Variants in ZNF383 observed in about 807,000 individuals in gnomAD.
ZNF383 encodes zinc finger protein 383.
Under a neutral mutation model 44.2 loss-of-function variants are expected in ZNF383, and 32 were observed. That is an observed-to-expected ratio of 0.72 (90% CI 0.55 to 0.97). The LOEUF (loss-of-function observed/expected upper bound fraction) is 0.97, where lower values mean the gene tolerates loss of function less well. ZNF383 is among the 50% of genes least tolerant of loss of function. The pLI, the probability that ZNF383 is intolerant of heterozygous loss-of-function variation, is 0.00. For synonymous variants in ZNF383, 155 were observed against 186.2 expected (o/e 0.83, Z 1.36); for missense variants, 487 against 562.5 (o/e 0.87, Z 1.36).
chr19:37,222,165 C>CT (rs555473132), intron 1 of ZNF383, among the ~76,000 whole-genome samples: 110 of 149,932 alleles, frequency 7.3e-4, no homozygotes, highest in Non-Finnish European at 1.3e-3. Context: ...TTTTTTTTCA[C>CT]TTTTTTTTTC....
chr19:37,221,674 CGCGGTG>C (rs1321691822), intron 1 of ZNF383, among the ~76,000 whole-genome samples: 1 of 151,104 alleles, frequency 6.6e-6, no homozygotes, highest in Non-Finnish European at 1.5e-5. Flanking sequence ...CCGGGCTGGG[CGCGGTG>C]GCTCGTGCCT....
intron 3 of ZNF383, among the ~76,000 whole-genome samples, chr19:37,234,875 CA>C (rs1212121764): frequency 1.3e-5 from 2 of 152,210 alleles, no homozygotes; most frequent in African/African-American, 4.8e-5. Flanking sequence ...ACAAGACGTT[CA>C]GACTCATCCT....
intron 3 of ZNF383, among the ~76,000 whole-genome samples, chr19:37,232,258 A>G (rs888094698): frequency 6.6e-6 from 1 of 151,920 alleles, no homozygotes. Context: ...CGGTTTTAGT[A>G]GAGACTGGGT....
rs537675324 is a variant in ZNF383 at position 37,222,526 on chromosome 19, G to A, written c.-167-2292G>A. The stretch of plus-strand genomic sequence containing the variant: ...CAAGTAGCTGAGATTACAGGCGCAC[G>A]CCACCACACCCAGCTAATTTTTTGT... On this transcript the variant is annotated intron_variant, in intron 1 of 5. Coordinates refer to ENST00000684119, the MANE Select transcript of ZNF383 (RefSeq NM_001387601.1). 2.6e-5 allele frequency among the ~76,000 whole-genome samples: 4 copies of A among 152,138 alleles called. No individual in the cohort carries two copies. In the East Asian group the frequency reaches 5.8e-4, roughly 22 times the overall value.
chr19:37,242,055 T>TATAGTATAG (rs1555784686), intron 5 of ZNF383, among the ~76,000 whole-genome samples: 83 of 66,802 alleles, frequency 1.2e-3, no homozygotes, highest in African/African-American at 2.4e-3. Flanking sequence ...AGATACTATA[T>TATAGTATAG]ATACTATATA....
At chr19:37,239,267 C>G (rs1246758455) in intron 5 of ZNF383, among the ~76,000 whole-genome samples, 1 of 152,136 alleles carries the variant, frequency 6.6e-6, no homozygotes, top group African/African-American at 2.4e-5. Context: ...TATAACATTT[C>G]TTCCTATCGT....
rs1974273899 is a variant in ZNF383 at position 37,244,249 on chromosome 19, A to T, written c.*585A>T. On this transcript the variant is annotated 3_prime_UTR_variant, in exon 6 of 6. Coordinates refer to ENST00000684119, the MANE Select transcript of ZNF383 (RefSeq NM_001387601.1). The stretch of plus-strand genomic sequence containing the variant: ...CAGGCGTGTGCCACCACACCCTGCT[A>T]ATTTTCTATTTTTAGTAGAGACAGG... 1 of 151,788 alleles carries T rather than the reference A, an allele frequency of 6.6e-6. No homozygotes were observed. The highest frequency in any genetic ancestry group is 2.4e-5 in the African/African-American group (1 of 41,278). 9.4% of individuals were successfully genotyped at this position (151,788 alleles called of 1,614,324 possible).
chr19:37,238,480 C>T (rs1427493475), intron 5 of ZNF383, among the ~76,000 whole-genome samples: 1 of 151,824 alleles, frequency 6.6e-6, no homozygotes, highest in Non-Finnish European at 1.5e-5. Context: ...GAGAGGGCCT[C>T]TCTGATGAGG....
chr19:37,230,420 C>G lies in ZNF383; in HGVS notation c.-34C>G, dbSNP rs1444146340. 29 of 1,612,276 alleles carry G rather than the reference C, an allele frequency of 1.8e-5. No homozygotes were observed. Among genetic ancestry groups the G allele is most frequent in the Non-Finnish European group, 2.5e-5 (29 of 1,179,066 alleles). On this transcript the variant is annotated 5_prime_UTR_variant, in exon 3 of 6. Transcript: ENST00000684119. ...CTGTCCTTTTTCAGGAGAACGGCCTCAAGGAAGACTAACCATCTGCAATAC... is the reference window on the plus strand; with the variant it reads ...CTGTCCTTTTTCAGGAGAACGGCCTGAAGGAAGACTAACCATCTGCAATAC...
chr19:37,242,428 A>C, intron 5 of ZNF383, 41 bp from the exon 6 acceptor site: 2 of 1,376,052 alleles, frequency 1.5e-6, no homozygotes, highest in Non-Finnish European at 2.0e-6. Context: ...AATTTTTCAC[A>C]AATAGGAAAA....
rs568946041 is a variant in ZNF383, at chr19:37,225,821, G to A, written c.-46+882G>A. ...TTTTTTTTTTTTGAGAAGGAGTCTC[G>A]CTCTTGTCACCAGGCTGGAGTGCAA... is the stretch of plus-strand genomic sequence containing the variant. On this transcript the variant is annotated intron_variant, in intron 2 of 5. Coordinates refer to ENST00000684119, the MANE Select transcript of ZNF383 (RefSeq NM_001387601.1). 3.5e-4 allele frequency among the ~76,000 whole-genome samples: 51 copies of A among 145,524 alleles called. No homozygotes were observed. The South Asian group carries it at 5.0e-3, about 14-fold the overall frequency.
At chr19:37,231,062 T>A (rs1336101280) in intron 3 of ZNF383, among the ~76,000 whole-genome samples, 4 of 152,190 alleles carry the variant, frequency 2.6e-5, no homozygotes, top group Non-Finnish European at 4.4e-5. Flanking sequence ...TGTGAATCAT[T>A]GAGTTTTCTG....
rs559402512 is a variant in ZNF383, at chr19:37,239,755, A to G, written c.233-2714A>G. ...GGTGGGGAGACTGGTTGAGGAGGCTACTTCACTGGTCTGGGTAAGAGTTGA... is the reference window on the plus strand; with the variant it reads ...GGTGGGGAGACTGGTTGAGGAGGCTGCTTCACTGGTCTGGGTAAGAGTTGA... On this transcript the variant is annotated intron_variant, in intron 5 of 5. Coordinates refer to ENST00000684119, the MANE Select transcript of ZNF383 (RefSeq NM_001387601.1). 4.6e-5 allele frequency among the ~76,000 whole-genome samples: 7 copies of G among 152,300 alleles called. No individual in the cohort carries two copies. In the South Asian group the frequency reaches 1.5e-3, roughly 32 times the overall value.
At chr19:37,241,058 C>T (rs1369697624) in intron 5 of ZNF383, among the ~76,000 whole-genome samples, 1 of 152,206 alleles carries the variant, frequency 6.6e-6, no homozygotes, top group African/African-American at 2.4e-5. Flanking sequence ...CTGCCCGCCT[C>T]GTCCTCCCAA....
rs1041828794 is a variant in ZNF383 at position 37,248,030 on chromosome 19, G to T, written c.*4366G>T. On this transcript the variant is annotated 3_prime_UTR_variant, in exon 6 of 6. Coordinates refer to ENST00000684119, the MANE Select transcript of ZNF383 (RefSeq NM_001387601.1). ...TCATGCCTGTAATCCCGGCTACTCAGGAGGCTGAGGCAGGAGAAAGGCTTG... is the reference window on the plus strand; with the variant it reads ...TCATGCCTGTAATCCCGGCTACTCATGAGGCTGAGGCAGGAGAAAGGCTTG... 6.6e-6 allele frequency: 1 copy of T among 152,260 alleles called. No individual in the cohort carries two copies. Among genetic ancestry groups the T allele is most frequent in the Non-Finnish European group, 1.5e-5 (1 of 68,074 alleles). The allele number at this position is 152,260 out of a possible 1,614,324, so 9.4% of individuals were successfully genotyped here. A position where few individuals can be genotyped will look rare whatever the true frequency, so the allele number is the denominator to read the frequency against.
rs757050546 is a variant in ZNF383 at position 37,243,501 on chromosome 19, A to G, written c.1265A>G (p.Tyr422Cys). 1 of 1,614,020 alleles carries G rather than the reference A, an allele frequency of 6.2e-7. No homozygotes were observed. The highest frequency in any genetic ancestry group is 1.1e-5 in the South Asian group (1 of 91,068). Residue 422 changes from tyrosine to cysteine, a missense_variant, in exon 6 of 6, where the codon TAT becomes TGT. By Grantham distance (194) the Tyr-to-Cys change is radical. Coordinates refer to ENST00000684119, the MANE Select transcript of ZNF383 (RefSeq NM_001387601.1). The part of the protein sequence containing the change: ...HQRIHTDEKP[Y>C]ECNECGKAFN... Reference sequence around the variant, plus strand: ...AGAATTCATACAGATGAAAAACCATATGAATGTAATGAATGTGGAAAGGCC... The same window carrying G: ...AGAATTCATACAGATGAAAAACCATGTGAATGTAATGAATGTGGAAAGGCC...
chr19:37,224,636 T>A (rs1973072182), intron 1 of ZNF383, among the ~76,000 whole-genome samples, 182 bp from the exon 2 acceptor site: 2 of 151,950 alleles, frequency 1.3e-5, no homozygotes, highest in Admixed American at 1.3e-4. Flanking sequence ...CACTGCAAAC[T>A]CGACCTTCCA....
chr19:37,233,693 G>A (rs997425013), intron 3 of ZNF383, among the ~76,000 whole-genome samples: 2 of 152,012 alleles, frequency 1.3e-5, no homozygotes, highest in African/African-American at 4.8e-5. Flanking sequence ...CTCCCAAAGT[G>A]CTGGGATTAC....
rs376584870 is a variant in ZNF383, at chr19:37,245,483, T to G, written c.*1819T>G. Reference sequence around the variant, plus strand: ...TATTAATTTTTTGTTTGTTTGTTTTTTTTTTTTTTTGAGATGGAGTTCACT... The same window carrying G: ...TATTAATTTTTTGTTTGTTTGTTTTGTTTTTTTTTTGAGATGGAGTTCACT... On this transcript the variant is annotated 3_prime_UTR_variant, in exon 6 of 6. Transcript: ENST00000684119. 0.24 allele frequency: 35,682 copies of G among 148,698 alleles called. 4,746 individuals carry two copies. Among genetic ancestry groups the G allele is most frequent in the African/African-American group, 0.36 (14,218 of 39,430 alleles). 9.2% of individuals were successfully genotyped at this position (148,698 alleles called of 1,614,324 possible).
Sources: allele counts gnomAD v4.1 joint callset (sites outside exome capture counted in the v4.1 genomes callset), GRCh38; gene constraint gnomAD v4.1.1; transcripts MANE v1.5; gene names NCBI Gene and HGNC (gene_info 2026-07-23, HGNC 2026-07-21).